Variants in KCNQ5 observed in about 807,000 individuals in gnomAD.
KCNQ5 encodes potassium voltage-gated channel subfamily Q member 5, also known as potassium voltage-gated channel subfamily KQT member 5.
Under a neutral mutation model 98.2 loss-of-function variants are expected in KCNQ5, and 30 were observed. The observed-to-expected ratio is 0.31, with a 90% CI of 0.23 to 0.41. The LOEUF (loss-of-function observed/expected upper bound fraction) is 0.41. Ranked by LOEUF, KCNQ5 falls within the 10% of genes least tolerant of loss-of-function variation. The probability of loss-of-function intolerance (pLI) is 1.00; values close to 1 mark genes in which losing one functional copy is unlikely to be tolerated. For missense variants in KCNQ5, 835 were observed against 1,182.5 expected (o/e 0.71, Z 4.31); for synonymous variants, 458 against 449.4 (o/e 1.02, Z -0.24).
At position 72,663,326 on chromosome 6, in the gene KCNQ5, G is replaced by T. The variant is rs1190510205; in HGVS notation, c.398+40739G>T. Among the ~76,000 whole-genome samples the T allele has an allele frequency of 5.9e-5, 9 of 152,036 alleles. 1 individual carries two copies. Among genetic ancestry groups the T allele is most frequent in the Non-Finnish European group, 1.0e-4 (7 of 67,988 alleles). The stretch of plus-strand genomic sequence containing the variant: ...AGGCCTAAAGTTTCATTTTATTAAG[G>T]TCTGTCAAGGATGTAAAGCATTAAA... On this transcript the variant is annotated intron_variant, in intron 1 of 13. Coordinates refer to ENST00000370398, the MANE Select transcript of KCNQ5 (RefSeq NM_019842.4).
intron 10 of KCNQ5, among the ~76,000 whole-genome samples, chr6:73,154,016 A>G (rs1339698527): frequency 1.3e-5 from 2 of 151,962 alleles, no homozygotes; most frequent in Non-Finnish European, 2.9e-5. Context: ...TTGCTTTAAA[A>G]GCTCAAAAGG....
At chr6:72,950,072 A>G (rs1766728094) in intron 1 of KCNQ5, among the ~76,000 whole-genome samples, 1 of 152,160 alleles carries the variant, frequency 6.6e-6, no homozygotes, top group South Asian at 2.1e-4. Flanking sequence ...TTAGTATATC[A>G]CAGAAATTTC....
At chr6:73,020,610 C>G (rs1770558712) in intron 2 of KCNQ5, among the ~76,000 whole-genome samples, 1 of 152,124 alleles carries the variant, frequency 6.6e-6, no homozygotes, top group African/African-American at 2.4e-5. Flanking sequence ...CTTTCCCGTC[C>G]TTGGAGGTTG....
intron 6 of KCNQ5, among the ~76,000 whole-genome samples, chr6:73,109,326 C>T (rs1165563646): frequency 6.6e-6 from 1 of 152,212 alleles, no homozygotes; most frequent in East Asian, 1.9e-4. Context: ...CTCACATCCA[C>T]ATCATAAGTG....
Position 73,034,884 on chromosome 6 carries a change from T to C in KCNQ5, c.490-7052T>C, listed in dbSNP as rs566777435. On this transcript the variant is annotated intron_variant, in intron 2 of 13. Coordinates refer to ENST00000370398, the MANE Select transcript of KCNQ5 (RefSeq NM_019842.4). ...TTTTTGAGACAGTATCTCGCTCTGT[T>C]GCCCAAGCTGGAGTGCAGTGGCATG... is the stretch of plus-strand genomic sequence containing the variant. Among the ~76,000 whole-genome samples, 71 of 147,958 alleles carry C rather than the reference T, an allele frequency of 4.8e-4. No individual in the cohort carries two copies. The South Asian group carries it at 7.4e-3, about 15-fold the overall frequency.
At chr6:72,898,482 A>G (rs548182335) in intron 1 of KCNQ5, among the ~76,000 whole-genome samples, 6 of 152,198 alleles carry the variant, frequency 3.9e-5, no homozygotes, top group Admixed American at 3.3e-4. Flanking sequence ...AGCTTCATCT[A>G]TGTCTCTGCA....
At chr6:72,864,737 A>G (rs377071371) in intron 1 of KCNQ5, among the ~76,000 whole-genome samples, 18 of 152,298 alleles carry the variant, frequency 1.2e-4, no homozygotes, top group African/African-American at 4.1e-4. Flanking sequence ...ATTTAGAAAT[A>G]TAAGTGCTAC....
At chr6:72,818,440 T>C (rs1775598964) in intron 1 of KCNQ5, among the ~76,000 whole-genome samples, 1 of 152,074 alleles carries the variant, frequency 6.6e-6, no homozygotes, top group Non-Finnish European at 1.5e-5. Context: ...AGGAAGGGTA[T>C]TTTTCTGAGT....
At chr6:72,962,192 TATATATATAC>T (rs1273007802) in intron 1 of KCNQ5, among the ~76,000 whole-genome samples, 9 of 102,724 alleles carry the variant, frequency 8.8e-5, no homozygotes, top group East Asian at 3.5e-4. Context: ...AATATATATA[TATATATATAC>T]ATATATATAT....
chr6:72,641,722 A>G (rs1398358620), intron 1 of KCNQ5, among the ~76,000 whole-genome samples: 1 of 152,126 alleles, frequency 6.6e-6, no homozygotes, highest in Non-Finnish European at 1.5e-5. Context: ...TGATGGTTTC[A>G]TGAATGAATT....
At chr6:72,856,471 TACACACAC>T (rs3035183) in intron 1 of KCNQ5, among the ~76,000 whole-genome samples, 4 of 148,912 alleles carry the variant, frequency 2.7e-5, no homozygotes, top group Non-Finnish European at 6.0e-5. Flanking sequence ...CACACATATA[TACACACAC>T]ACACACACAC....
chr6:72,672,846 G>C (rs1767201814), intron 1 of KCNQ5, among the ~76,000 whole-genome samples: 1 of 152,242 alleles, frequency 6.6e-6, no homozygotes, highest in Non-Finnish European at 1.5e-5. Flanking sequence ...ATCAGAGTTA[G>C]CATAAAAAAT....
At chr6:72,637,466 A>T (rs1565047778) in intron 1 of KCNQ5, among the ~76,000 whole-genome samples, 1 of 152,096 alleles carries the variant, frequency 6.6e-6, no homozygotes, top group Non-Finnish European at 1.5e-5. Context: ...CCATTTGTTC[A>T]ACTTTCTCCA....
intron 10 of KCNQ5, among the ~76,000 whole-genome samples, chr6:73,150,830 A>ATGTG (rs199982654): frequency 0.22 from 15,965 of 72,566 alleles, 1,915 homozygotes; most frequent in African/African-American, 0.36. Flanking sequence ...GTATATATAT[A>ATGTG]TATGTGTGTG....
chr6:73,165,723 T>A (rs1169018060), intron 10 of KCNQ5, among the ~76,000 whole-genome samples: 1 of 151,920 alleles, frequency 6.6e-6, no homozygotes, highest in Admixed American at 6.6e-5. Context: ...GGTGGGCAGA[T>A]CACCTGAGGT....
chr6:72,709,959 G>A (rs141764584), intron 1 of KCNQ5, among the ~76,000 whole-genome samples: 1 of 152,152 alleles, frequency 6.6e-6, no homozygotes, highest in African/African-American at 2.4e-5. Context: ...TTATCATGGT[G>A]GGTGGTGATA....
intron 1 of KCNQ5, among the ~76,000 whole-genome samples, chr6:72,711,467 A>G (rs1678792924): frequency 6.6e-6 from 1 of 152,242 alleles, no homozygotes; most frequent in African/African-American, 2.4e-5. Flanking sequence ...GCATTTGAGA[A>G]TCTGAAAGAA....
intron 5 of KCNQ5, among the ~76,000 whole-genome samples, chr6:73,097,077 C>G (rs1230068536): frequency 6.7e-6 from 1 of 149,832 alleles, no homozygotes; most frequent in Non-Finnish European, 1.5e-5. Flanking sequence ...GAAATTTAGT[C>G]TTAGTAATTT....
intron 1 of KCNQ5, among the ~76,000 whole-genome samples, chr6:72,781,982 A>T (rs1773499852): frequency 6.6e-6 from 1 of 152,216 alleles, no homozygotes; most frequent in African/African-American, 2.4e-5. Context: ...TAGAATTGAC[A>T]TGCAATGAAT....
Sources: gnomAD v4.1 joint callset for allele counts (sites outside exome capture counted in the v4.1 genomes callset) on GRCh38, gnomAD v4.1.1 for gene constraint, MANE v1.5 for transcripts, NCBI Gene and HGNC (gene_info 2026-07-23, HGNC 2026-07-21) for gene names.